GALNTL6: variants seen among roughly 807,000 people sequenced by gnomAD.
The protein encoded by GALNTL6 is polypeptide N-acetylgalactosaminyltransferase like 6.
A neutral mutation model predicts 73.7 loss-of-function variants in GALNTL6; 46 were observed. The observed-to-expected ratio is 0.62, with a 90% CI of 0.49 to 0.80. GALNTL6 has a LOEUF of 0.80. Ranked by LOEUF, GALNTL6 falls within the 30% of genes least tolerant of loss-of-function variation. The pLI is 0.00. For synonymous variants in GALNTL6, 259 were observed against 263.7 expected, an observed-to-expected ratio of 0.98 and a Z score of 0.17; for missense variants, 604 against 755.0, an observed-to-expected ratio of 0.80 and a Z score of 2.34.
At chr4:172,139,720 G>T (rs1377540091) in intron 2 of GALNTL6, among the ~76,000 whole-genome samples, 1 of 152,156 alleles carries the variant, frequency 6.6e-6, no homozygotes, top group Non-Finnish European at 1.5e-5. Flanking sequence ...TTTCTTCAAA[G>T]GATTGAATTC....
intron 6 of GALNTL6, among the ~76,000 whole-genome samples, chr4:172,810,732 T>C (rs1231079858): frequency 6.6e-6 from 1 of 152,172 alleles, no homozygotes; most frequent in Non-Finnish European, 1.5e-5. Flanking sequence ...ATCAACTGAA[T>C]GTTTTGGTGC....
chr4:172,377,609 C>T (rs1019436736), intron 5 of GALNTL6, among the ~76,000 whole-genome samples: 9 of 152,088 alleles, frequency 5.9e-5, no homozygotes, highest in East Asian at 1.9e-4. Flanking sequence ...CAGGGAGGCT[C>T]GGGCCACACG....
chr4:172,738,596 C>CAT (rs10660136), intron 5 of GALNTL6, among the ~76,000 whole-genome samples: 54,326 of 151,688 alleles, frequency 0.36, 10,719 homozygotes, highest in African/African-American at 0.52. Flanking sequence ...TATTTTAAAA[C>CAT]GTGTCAATGA....
intron 5 of GALNTL6, among the ~76,000 whole-genome samples, chr4:172,466,031 A>G (rs1262844754): frequency 6.6e-6 from 1 of 152,176 alleles, no homozygotes; most frequent in African/African-American, 2.4e-5. Context: ...CAAATACTAA[A>G]ATCATTGAGT....
Position 171,900,469 on chromosome 4 carries a change from G to A in GALNTL6, c.138+85751G>A, listed in dbSNP as rs186959733. Among the ~76,000 whole-genome samples, 292 of 138,574 alleles carry A rather than the reference G, an allele frequency of 2.1e-3. 5 individuals are homozygous for A. The highest frequency in any genetic ancestry group is 0.02 in the East Asian group (92 of 4,702). The allele number at this position is 138,574 out of a possible 152,430, so 90.9% of individuals were successfully genotyped here. ...ACTACAGGTGTGTGCCACCACACTC[G>A]GCTAATTTTTTGTATTTTTTTTTTT... On this transcript the variant is annotated intron_variant, in intron 2 of 12. Transcript: ENST00000506823.
At chr4:172,761,183 T>G (rs1002162739) in intron 5 of GALNTL6, among the ~76,000 whole-genome samples, 6 of 152,176 alleles carry the variant, frequency 3.9e-5, no homozygotes, top group South Asian at 2.1e-4. Context: ...AATTAGGTGG[T>G]ACAAGTTGCA....
intron 10 of GALNTL6, among the ~76,000 whole-genome samples, chr4:172,971,773 A>G (rs1325057917): frequency 6.6e-6 from 1 of 152,208 alleles, no homozygotes; most frequent in African/African-American, 2.4e-5. Flanking sequence ...CATATTAAAT[A>G]CTAAAGATTG....
At chr4:172,756,766 G>A (rs977660446) in intron 5 of GALNTL6, among the ~76,000 whole-genome samples, 1 of 152,100 alleles carries the variant, frequency 6.6e-6, no homozygotes, top group Non-Finnish European at 1.5e-5. Flanking sequence ...AGACATTGTT[G>A]TATACCTCCT....
chr4:172,914,840 C>T (rs1007805677), intron 8 of GALNTL6, among the ~76,000 whole-genome samples: 12 of 152,100 alleles, frequency 7.9e-5, no homozygotes, highest in Non-Finnish European at 1.5e-4. Context: ...GACAGATTAA[C>T]GAGACAGAAA....
At chr4:172,143,348 T>A (rs1733848757) in intron 2 of GALNTL6, among the ~76,000 whole-genome samples, 2 of 152,062 alleles carry the variant, frequency 1.3e-5, no homozygotes, top group South Asian at 4.1e-4. Context: ...ACTTTTATTA[T>A]GTTTAAACAT....
chr4:172,206,775 G>GTTTTTGTTT (rs1736123311), intron 2 of GALNTL6, among the ~76,000 whole-genome samples: 1 of 79,718 alleles, frequency 1.3e-5, no homozygotes, highest in Non-Finnish European at 2.8e-5. Flanking sequence ...GATGAAACGT[G>GTTTTTGTTT]TTTTTTGTTT....
At chr4:171,862,969 T>G (rs1735874819) in intron 2 of GALNTL6, among the ~76,000 whole-genome samples, 1 of 152,182 alleles carries the variant, frequency 6.6e-6, no homozygotes, top group Non-Finnish European at 1.5e-5. Context: ...CCAAAATATA[T>G]TTGACAATAG....
At chr4:171,874,688 C>A (rs1240804403) in intron 2 of GALNTL6, among the ~76,000 whole-genome samples, 2 of 152,070 alleles carry the variant, frequency 1.3e-5, no homozygotes, top group Non-Finnish European at 2.9e-5. Flanking sequence ...GAGTTTTTGT[C>A]CTAGAACGAA....
At chr4:172,552,585 A>G (rs1442024772) in intron 5 of GALNTL6, among the ~76,000 whole-genome samples, 2 of 152,114 alleles carry the variant, frequency 1.3e-5, no homozygotes, top group African/African-American at 4.8e-5. Context: ...AATAGCAAAC[A>G]TTGAAAGACA....
chr4:172,331,943 C>T (rs898835971), intron 4 of GALNTL6, among the ~76,000 whole-genome samples: 1 of 152,128 alleles, frequency 6.6e-6, no homozygotes, highest in African/African-American at 2.4e-5. Context: ...TAAGAAATCT[C>T]TATACTGTTT....
chr4:172,041,245 G>GT (rs1742079728), intron 2 of GALNTL6, among the ~76,000 whole-genome samples: 1 of 151,928 alleles, frequency 6.6e-6, no homozygotes, highest in Admixed American at 6.6e-5. Flanking sequence ...TTAAAATGGC[G>GT]TTATTCTTTG....
chr4:172,042,864 T>TAAAAAAAAAAA (rs397996272), intron 2 of GALNTL6, among the ~76,000 whole-genome samples: 3 of 44,402 alleles, frequency 6.8e-5, no homozygotes, highest in African/African-American at 1.7e-4. Flanking sequence ...TCTTTAACAG[T>TAAAAAAAAAAA]AAAAAAAAAA....
intron 5 of GALNTL6, among the ~76,000 whole-genome samples, chr4:172,788,857 T>G (rs540170115): frequency 1.3e-5 from 2 of 152,114 alleles, no homozygotes; most frequent in Admixed American, 1.3e-4. Flanking sequence ...TAGGACTAGA[T>G]AAGTGTGAGT....
intron 5 of GALNTL6, among the ~76,000 whole-genome samples, chr4:172,630,787 A>T (rs1671281602): frequency 1.3e-5 from 2 of 150,086 alleles, no homozygotes; most frequent in Non-Finnish European, 3.0e-5. Flanking sequence ...ATTAGAGGGA[A>T]CTTATCTTTC....
Sources: gnomAD v4.1 joint callset for allele counts (sites outside exome capture counted in the v4.1 genomes callset) on GRCh38, gnomAD v4.1.1 for gene constraint, MANE v1.5 for transcripts, NCBI Gene and HGNC (gene_info 2026-07-23, HGNC 2026-07-21) for gene names.